SH3BGR: variants seen among roughly 807,000 people sequenced by gnomAD.
SH3BGR encodes SH3 domain binding glutamate rich protein.
Under a neutral mutation model 24.5 loss-of-function variants are expected in SH3BGR, and 29 were observed. The ratio of observed to expected loss-of-function variants is 1.18; its 90% CI spans 0.88 to 1.61. SH3BGR has a LOEUF of 1.61. Among genes scored for constraint, SH3BGR ranks in the 40% most tolerant of loss-of-function variants. The pLI, the probability that SH3BGR is intolerant of heterozygous loss-of-function variation, is 0.00. For missense variants in SH3BGR, 162 were observed against 205.8 expected (o/e 0.79, Z 1.30); for synonymous variants, 55 against 65.7 (o/e 0.84, Z 0.79).
At chr21:39,491,642 C>T (rs2078301298) in intron 3 of SH3BGR, 1 of 228,736 alleles carries the variant, frequency 4.4e-6, no homozygotes, top group South Asian at 6.8e-5. Flanking sequence ...TGATTCCTCA[C>T]TACTTTGCTT....
chr21:39,448,310 C>A (rs756297117), upstream of SH3BGR, among the ~76,000 whole-genome samples: 1 of 152,140 alleles, frequency 6.6e-6, no homozygotes, highest in Non-Finnish European at 1.5e-5. Context: ...GTAATCATTT[C>A]CATCATTCTA....
chr21:39,506,551 G>A (rs1239043795), intron 4 of SH3BGR, among the ~76,000 whole-genome samples: 2 of 152,210 alleles, frequency 1.3e-5, no homozygotes, highest in Admixed American at 1.3e-4. Context: ...CATGGCAGAA[G>A]GCGAAGGAGG....
intron 1 of SH3BGR, among the ~76,000 whole-genome samples, chr21:39,457,378 TTA>T (rs1367016889): frequency 7.0e-6 from 1 of 143,394 alleles, no homozygotes; most frequent in East Asian, 2.0e-4. Flanking sequence ...TATAAGATTA[TTA>T]TATATTATAT....
At chr21:39,498,886 A>G (rs2078442680) in intron 3 of SH3BGR, among the ~76,000 whole-genome samples, 1 of 152,220 alleles carries the variant, frequency 6.6e-6, no homozygotes, top group Non-Finnish European at 1.5e-5. Context: ...GAACTGCCCA[A>G]GACTGGGTAA....
upstream of SH3BGR, among the ~76,000 whole-genome samples, chr21:39,449,311 G>A (rs760696572): frequency 6.6e-6 from 1 of 152,132 alleles, no homozygotes; most frequent in African/African-American, 2.4e-5. Context: ...CAATCTGCAG[G>A]TTGTATCTCC....
chr21:39,452,170 A>T, intron 1 of SH3BGR, 29 bp downstream of exon 1: 1 of 1,613,514 alleles, frequency 6.2e-7, no homozygotes, highest in Admixed American at 1.7e-5. Context: ...CTTTCTTCCT[A>T]TACTCTTTTC....
At chr21:39,494,231 CTCTTCT>C (rs535727987) in intron 3 of SH3BGR, among the ~76,000 whole-genome samples, 2 of 145,376 alleles carry the variant, frequency 1.4e-5, no homozygotes, top group Admixed American at 6.9e-5. Context: ...AGTCTTCTTC[CTCTTCT>C]TCTTCTTCTT....
chr21:39,509,479 T>G (rs1242767596), intron 5 of SH3BGR, among the ~76,000 whole-genome samples: 2 of 148,280 alleles, frequency 1.3e-5, no homozygotes, highest in African/African-American at 2.5e-5. Flanking sequence ...TTGTTTTTTT[T>G]TTTTTTTTTT....
chr21:39,477,501 A>G (rs79473211), intron 3 of SH3BGR, among the ~76,000 whole-genome samples: 8,100 of 152,044 alleles, frequency 0.053, 438 homozygotes, highest in African/African-American at 0.14. Context: ...ATTACAAATA[A>G]CTCTGCACTG....
chr21:39,469,332 G>C (rs970818689), intron 2 of SH3BGR, among the ~76,000 whole-genome samples: 1 of 150,426 alleles, frequency 6.6e-6, no homozygotes, highest in Admixed American at 6.6e-5. Flanking sequence ...TTAAGTTTAT[G>C]TTGTTCATAG....
rs34333255 is a variant in SH3BGR at position 39,510,365 on chromosome 21, TACACAC to T, written c.436-1294_436-1289del. Among the ~76,000 whole-genome samples the T allele has an allele frequency of 2.8e-4, 32 of 115,848 alleles. 1 individual carries two copies. In the South Asian group the frequency reaches 3.2e-3, roughly 12 times the overall value. 76.0% of individuals were successfully genotyped at this position (115,848 alleles called of 152,430 possible). The stretch of plus-strand genomic sequence containing the variant: ...CCCAGAGATAACCACTGTAGCTACA[TACACAC>T]ACACACACACACACACACACTGTAG... On this transcript the variant is annotated intron_variant, in intron 5 of 6. Coordinates refer to ENST00000333634, the MANE Select transcript of SH3BGR (RefSeq NM_007341.3).
chr21:39,508,383 T>C (rs1020417521), intron 4 of SH3BGR, among the ~76,000 whole-genome samples: 2 of 152,212 alleles, frequency 1.3e-5, no homozygotes, highest in African/African-American at 2.4e-5. Context: ...CTGGGGGAAA[T>C]AGAAATTCCA....
At chr21:39,448,538 C>T (rs2077537191), upstream of SH3BGR, among the ~76,000 whole-genome samples, 1 of 152,064 alleles carries the variant, frequency 6.6e-6, no homozygotes, top group Non-Finnish European at 1.5e-5. Context: ...AAAATGAACT[C>T]CTGTTTCCTA....
In SH3BGR at chr21:39,462,138, C is replaced by T. The variant is rs113408338; in HGVS notation, c.46-237C>T. Among the ~76,000 whole-genome samples the T allele has an allele frequency of 5.8e-3, 882 of 152,184 alleles. 11 individuals are homozygous for T. Among genetic ancestry groups the T allele is most frequent in the African/African-American group, 0.02 (835 of 41,518 alleles). Reference sequence around the variant, plus strand: ...TGCTGGGATTACAGGTGTGAGCCATCGCACCCAGCCTGATTATATAATAAT... The same window carrying T: ...TGCTGGGATTACAGGTGTGAGCCATTGCACCCAGCCTGATTATATAATAAT... On this transcript the variant is annotated intron_variant, in intron 1 of 6. Transcript: ENST00000333634.
At chr21:39,484,488 C>T (rs774704743) in intron 3 of SH3BGR, among the ~76,000 whole-genome samples, 1 of 152,112 alleles carries the variant, frequency 6.6e-6, no homozygotes, top group Admixed American at 6.5e-5. Context: ...TCTATTTCAG[C>T]CTCTGCTGTG....
chr21:39,446,644 G>GAAT (rs2077477961), intron 1 of SH3BGR, among the ~76,000 whole-genome samples: 1 of 152,168 alleles, frequency 6.6e-6, no homozygotes, highest in Non-Finnish European at 1.5e-5. Flanking sequence ...TTAGTAGGAA[G>GAAT]AATAGACTTT....
At chr21:39,466,558 C>T (rs2077845977) in intron 2 of SH3BGR, among the ~76,000 whole-genome samples, 1 of 152,208 alleles carries the variant, frequency 6.6e-6, no homozygotes, top group Non-Finnish European at 1.5e-5. Flanking sequence ...CACAGTTCAG[C>T]ATGGCTGGAA....
chr21:39,484,244 C>T (rs1402445214), intron 3 of SH3BGR, among the ~76,000 whole-genome samples: 4 of 152,166 alleles, frequency 2.6e-5, no homozygotes, highest in South Asian at 2.1e-4. Flanking sequence ...GAATCTGGGA[C>T]TATATCTTTC....
intron 1 of SH3BGR, among the ~76,000 whole-genome samples, chr21:39,457,538 A>C (rs2077682429): frequency 1.4e-5 from 2 of 146,902 alleles, no homozygotes; most frequent in Non-Finnish European, 3.0e-5. Context: ...TAAATCTTAT[A>C]TATAAGATTA....
Sources: allele counts gnomAD v4.1 joint callset (sites outside exome capture counted in the v4.1 genomes callset), GRCh38; gene constraint gnomAD v4.1.1; transcripts MANE v1.5; gene names NCBI Gene and HGNC (gene_info 2026-07-23, HGNC 2026-07-21).